The following NLGN1 variants were observed in gnomAD, a reference collection of about 807,000 sequenced individuals.
NLGN1 encodes the protein neuroligin 1.
Under a neutral mutation model 65.5 loss-of-function variants are expected in NLGN1, and 12 were observed. That is an observed-to-expected ratio of 0.18 (90% confidence interval 0.12 to 0.30). The LOEUF is 0.30. NLGN1 is among the 10% of genes least tolerant of loss of function. The pLI, the probability that NLGN1 is intolerant of heterozygous loss-of-function variation, is 1.00. For synonymous variants in NLGN1, 350 were observed against 359.5 expected, an observed-to-expected ratio of 0.97 and a Z score of 0.30; for missense variants, 750 against 1,007.1, an observed-to-expected ratio of 0.74 and a Z score of 3.46.
chr3:174,044,351 T>C (rs529634014), intron 4 of NLGN1, among the ~76,000 whole-genome samples: 1 of 152,308 alleles, frequency 6.6e-6, no homozygotes, highest in Non-Finnish European at 1.5e-5. Context: ...AATTGGTTTT[T>C]CTTTTCTATC....
At chr3:173,409,681 G>A (rs1335200143) in intron 1 of NLGN1, among the ~76,000 whole-genome samples, 1 of 152,056 alleles carries the variant, frequency 6.6e-6, no homozygotes, top group Non-Finnish European at 1.5e-5. Flanking sequence ...TTTCCATTGT[G>A]CTTTTGAAAT....
intron 4 of NLGN1, among the ~76,000 whole-genome samples, chr3:174,193,210 G>T (rs1168618036): frequency 6.6e-6 from 1 of 152,130 alleles, no homozygotes; most frequent in Non-Finnish European, 1.5e-5. Flanking sequence ...CTAGAGCTTT[G>T]TCTAACAATT....
chr3:173,666,946 C>G (rs1761783229), intron 3 of NLGN1, among the ~76,000 whole-genome samples: 2 of 152,052 alleles, frequency 1.3e-5, no homozygotes, highest in South Asian at 4.1e-4. Context: ...GTATATTGTT[C>G]AAGATCAGTT....
chr3:174,215,372 T>C (rs1737403612), intron 4 of NLGN1, among the ~76,000 whole-genome samples: 2 of 152,262 alleles, frequency 1.3e-5, no homozygotes, highest in South Asian at 4.2e-4. Context: ...CTGACAAAAA[T>C]GTGACACTTT....
chr3:173,456,351 T>C (rs116823313), intron 2 of NLGN1, among the ~76,000 whole-genome samples: 14 of 152,204 alleles, frequency 9.2e-5, no homozygotes, highest in Non-Finnish European at 1.9e-4. Context: ...GGAAGCAATA[T>C]AGCATGAGGG....
chr3:173,745,539 C>A (rs62289940), intron 3 of NLGN1, among the ~76,000 whole-genome samples: 30,324 of 151,850 alleles, frequency 0.2, 3,254 homozygotes, highest in Admixed American at 0.24. Context: ...CTTACAAACA[C>A]CCGTGTAGTA....
chr3:173,399,098 A>G (rs1476810219), intron 1 of NLGN1, among the ~76,000 whole-genome samples: 3 of 152,248 alleles, frequency 2.0e-5, no homozygotes, highest in Admixed American at 1.3e-4. Context: ...ATGCAAAAAC[A>G]TTAAATTTAC....
rs1324469599 is a variant in NLGN1, at chr3:173,691,304, CTCTCTCTCTTTCTG to C, written c.493+86221_493+86234del. Among the ~76,000 whole-genome samples, 37 of 152,120 alleles carry C rather than the reference CTCTCTCTCTTTCTG, an allele frequency of 2.4e-4. 2 individuals carry two copies. The highest frequency in any genetic ancestry group is 8.2e-4 in the African/African-American group (34 of 41,534). ...TTCCAATGATTCAAGCCAATGCGTTCTCTCTCTCTTTCTGTCTCTCTGTTTCTCCATCCTCTGCA... is the reference window on the plus strand; with the variant it reads ...TTCCAATGATTCAAGCCAATGCGTTCTCTCTCTGTTTCTCCATCCTCTGCA... On this transcript the variant is annotated intron_variant, in intron 3 of 6. Coordinates refer to ENST00000457714, the Ensembl canonical transcript of NLGN1.
chr3:173,650,729 T>C (rs1759035073), intron 3 of NLGN1, among the ~76,000 whole-genome samples: 1 of 152,190 alleles, frequency 6.6e-6, no homozygotes, highest in South Asian at 2.1e-4. Context: ...TTTTCAACAG[T>C]GAACTGAGAT....
chr3:173,424,971 C>G (rs1715830561), intron 1 of NLGN1, among the ~76,000 whole-genome samples: 2 of 152,158 alleles, frequency 1.3e-5, no homozygotes, highest in South Asian at 4.1e-4. Context: ...CTACCTGAGA[C>G]TGGGTAACTT....
intron 4 of NLGN1, among the ~76,000 whole-genome samples, chr3:174,273,001 C>CTTT (rs372623188): frequency 7.7e-4 from 111 of 144,526 alleles, no homozygotes; most frequent in African/African-American, 2.7e-3. Context: ...TTCAGAGGAA[C>CTTT]TTTTTTTTTT....
intron 4 of NLGN1, among the ~76,000 whole-genome samples, chr3:173,819,078 GTC>G (rs1356292426): frequency 1.3e-5 from 2 of 151,744 alleles, no homozygotes; most frequent in African/African-American, 4.8e-5. Context: ...GATTTCTAAA[GTC>G]TTTCCTTGAA....
intron 3 of NLGN1, among the ~76,000 whole-genome samples, chr3:173,610,864 A>G (rs1175853616): frequency 2.6e-5 from 4 of 152,050 alleles, no homozygotes; most frequent in Admixed American, 6.6e-5. Context: ...CATCAGAAAA[A>G]TACGAGAAGT....
At chr3:173,745,390 G>T (rs1278588511) in intron 3 of NLGN1, among the ~76,000 whole-genome samples, 2 of 151,962 alleles carry the variant, frequency 1.3e-5, no homozygotes, top group African/African-American at 4.8e-5. Context: ...TATGCTAATT[G>T]CATCAGCATT....
At chr3:174,242,503 G>A (rs1743069746) in intron 4 of NLGN1, among the ~76,000 whole-genome samples, 1 of 152,076 alleles carries the variant, frequency 6.6e-6, no homozygotes, top group Non-Finnish European at 1.5e-5. Context: ...TACTGCCTGC[G>A]CTCCATCTCC....
chr3:173,595,223 G>A (rs139283730), intron 2 of NLGN1, among the ~76,000 whole-genome samples: 13 of 152,108 alleles, frequency 8.5e-5, no homozygotes, highest in East Asian at 7.7e-4. Flanking sequence ...CTTGAAAAAC[G>A]GAATGCCTTT....
At chr3:173,917,432 A>G (rs1740965460) in intron 4 of NLGN1, among the ~76,000 whole-genome samples, 1 of 152,234 alleles carries the variant, frequency 6.6e-6, no homozygotes, top group Non-Finnish European at 1.5e-5. Flanking sequence ...GCATAACACC[A>G]GGAACATAAT....
chr3:174,081,483 T>C (rs1319567010), intron 4 of NLGN1, among the ~76,000 whole-genome samples: 1 of 152,158 alleles, frequency 6.6e-6, no homozygotes, highest in Non-Finnish European at 1.5e-5. Flanking sequence ...AAGACAGCTC[T>C]ATGGGGACTT....
intron 4 of NLGN1, among the ~76,000 whole-genome samples, chr3:174,062,228 T>C (rs1439341166): frequency 6.6e-6 from 1 of 152,072 alleles, no homozygotes; most frequent in Admixed American, 6.6e-5. Context: ...CTTTTGAAGC[T>C]TGGGAGTGAG....
Sources: gnomAD v4.1 joint callset for allele counts (sites outside exome capture counted in the v4.1 genomes callset) on GRCh38, gnomAD v4.1.1 for gene constraint, MANE v1.5 for transcripts, NCBI Gene and HGNC (gene_info 2026-07-23, HGNC 2026-07-21) for gene names.